Variants in GARS1 observed in about 807,000 individuals in gnomAD.
The protein encoded by GARS1 is glycine--tRNA ligase.
In GARS1, 46 loss-of-function variants were observed where a neutral mutation model predicts 86.4. That is an observed-to-expected ratio of 0.53 (90% CI 0.42 to 0.68). The LOEUF is 0.68. GARS1 is among the 30% of genes least tolerant of loss of function. The pLI, the probability that GARS1 is intolerant of heterozygous loss-of-function variation, is 0.00. For missense variants in GARS1, 797 were observed against 915.6 expected (o/e 0.87, Z 1.67); for synonymous variants, 342 against 329.8 (o/e 1.04, Z -0.40).
chr7:30,602,132 A>G (rs1791392336), intron 4 of GARS1, among the ~76,000 whole-genome samples: 1 of 151,030 alleles, frequency 6.6e-6, no homozygotes, highest in Non-Finnish European at 1.5e-5. Context: ...TCTGTCCCCC[A>G]GGCTGGAGTG....
In GARS1 at chr7:30,596,457, T is replaced by G. The variant is rs568463230; in HGVS notation, c.222+1314T>G. ...TGCCATTTTAAAAAATATCCTTCCC[T>G]TTAGAAGGAAGCATACAACTAATTT... On this transcript the variant is annotated intron_variant, in intron 1 of 16. Coordinates refer to ENST00000389266, the MANE Select transcript of GARS1 (RefSeq NM_002047.4). 2.1e-4 allele frequency among the ~76,000 whole-genome samples: 32 copies of G among 151,922 alleles called. No individual in the cohort carries two copies. The South Asian group carries it at 6.4e-3, about 31-fold the overall frequency.
chr7:30,598,377 C>CTT (rs1174085518), intron 1 of GARS1, among the ~76,000 whole-genome samples: 30 of 99,574 alleles, frequency 3.0e-4, no homozygotes, highest in African/African-American at 5.7e-4. Context: ...TTGCATCATT[C>CTT]TTTTTTTTTT....
At chr7:30,596,497 AC>A (rs1377726418) in intron 1 of GARS1, among the ~76,000 whole-genome samples, 1 of 151,460 alleles carries the variant, frequency 6.6e-6, no homozygotes, top group African/African-American at 2.4e-5. Context: ...AAAAAAAAAA[AC>A]CACCACACCC....
chr7:30,616,007 G>T lies in GARS1; in HGVS notation c.1143G>T (p.Gln381His). Residue 381 changes from glutamine (Q) to histidine (H), a missense_variant, in exon 9 of 17, where the codon CAG becomes CAT. Physicochemically the swap from Gln to His is conservative, Grantham distance 24. Transcript: ENST00000389266. Reference protein sequence around the residue: ...LHLYLYSAKAQVSGQSARKMR... With the variant: ...LHLYLYSAKAHVSGQSARKMR... ...TTTATTTGTATTCAGCAAAAGCCCA[G>T]GTCAGCGGACAGTCCGCTCGGAAAA... is the stretch of plus-strand genomic sequence containing the variant. The T allele has an allele frequency of 6.2e-7, 1 of 1,614,188 alleles. No individual in the cohort carries two copies. Among genetic ancestry groups the T allele is most frequent in the Non-Finnish European group, 8.5e-7 (1 of 1,180,032 alleles).
Position 30,616,036 on chromosome 7 carries a change from G to A in GARS1, c.1172G>A (p.Arg391His), listed in dbSNP as rs199832199. 60 of 1,614,024 alleles carry A rather than the reference G, an allele frequency of 3.7e-5. No homozygotes were observed. Among genetic ancestry groups the A allele is most frequent in the African/African-American group, 2.5e-4 (19 of 74,918 alleles). The change falls in exon 9 of 17, where the codon CGC (arginine) becomes CAC (histidine). Residue 391 changes from arginine to histidine, a missense_variant. By Grantham distance (29) the Arg-to-His change is conservative. This residue lies in a region of GARS1 where 598 missense variants were observed against 738.7 expected (regional missense o/e 0.81). Transcript: ENST00000389266. The part of the protein sequence containing the change: ...QVSGQSARKM[R>H]LGDAVEQGVI... ...AGCGGACAGTCCGCTCGGAAAATGCGCCTGGGAGATGCTGTTGAACAGGTA... is the reference window on the plus strand; with the variant it reads ...AGCGGACAGTCCGCTCGGAAAATGCACCTGGGAGATGCTGTTGAACAGGTA...
At chr7:30,617,537 A>C (rs1252119538) in intron 10 of GARS1, among the ~76,000 whole-genome samples, 1 of 152,196 alleles carries the variant, frequency 6.6e-6, no homozygotes, top group Non-Finnish European at 1.5e-5. Context: ...TGTACAGTGT[A>C]TTGGCAGCAT....
intron 12 of GARS1, 77 bp from the exon 13 acceptor site, chr7:30,626,157 A>G: frequency 1.2e-6 from 1 of 804,424 alleles, no homozygotes; most frequent in South Asian, 1.5e-5. Flanking sequence ...ACAACTTAGC[A>G]ATCTACAAAA....
intron 11 of GARS1, 114 bp from the exon 12 acceptor site, chr7:30,622,203 G>T: frequency 8.2e-7 from 1 of 1,226,072 alleles, no homozygotes; most frequent in Non-Finnish European, 1.2e-6. Context: ...AACAGGATCT[G>T]GAGTACTGAT....
chr7:30,612,147 T>C lies in GARS1; in HGVS notation c.933T>C (p.Leu311=). 6.2e-7 allele frequency: 1 copy of C among 1,614,086 alleles called. No individual in the cohort carries two copies. Among genetic ancestry groups the C allele is most frequent in the Middle Eastern group, 1.6e-4 (1 of 6,062 alleles). The stretch of plus-strand genomic sequence containing the variant: ...GGATTTTCTTGAATTTCAAACGACT[T>C]TTGGAGTTCAACCAAGGAAAGTTGC... ...AQGIFLNFKR[L]LEFNQGKLPF... is the part of the protein sequence containing the mutation. Residue 311 remains leucine (L), a synonymous_variant, in exon 8 of 17, where the codon CTT becomes CTC. Transcript: ENST00000389266.
intron 2 of GARS1, 21 bp downstream of exon 2, chr7:30,598,918 A>G (rs771656019): frequency 3.2e-6 from 5 of 1,566,248 alleles, no homozygotes; most frequent in Non-Finnish European, 4.4e-6. Flanking sequence ...GGATGCTAAA[A>G]TAGGAACATA....
In GARS1 at chr7:30,631,541, T is replaced by C; in HGVS notation, c.1903T>C (p.Ser635Pro). Residue 635 changes from serine (S) to proline (P), a missense_variant and splice_region_variant, in exon 15 of 17, where the codon TCG becomes CCG. By Grantham distance (74) the Ser-to-Pro change is moderately conservative. Transcript: ENST00000389266. ...QEFMPFVKEL[S>P]EALTRHGVSH... Reference sequence around the variant, plus strand: ...GTTCATGCCATTTGTCAAGGAATTATGTAAGCAAATTCAATTGGGTAAACT... The same window carrying C: ...GTTCATGCCATTTGTCAAGGAATTACGTAAGCAAATTCAATTGGGTAAACT... The C allele has an allele frequency of 6.2e-7, 1 of 1,604,992 alleles. No homozygotes were observed. Among genetic ancestry groups the C allele is most frequent in the East Asian group, 2.2e-5 (1 of 44,784 alleles).
In GARS1 at chr7:30,612,083, C is replaced by T. The variant is rs1345378436; in HGVS notation, c.882-13C>T. On this transcript the variant is annotated splice_polypyrimidine_tract_variant and intron_variant, in intron 7 of 16. Transcript: ENST00000389266. ...TCTTTCTTTGTAACAGACTGACTTA[C>T]TTAAATTTATAGGTACTTGAGACCA... is the stretch of plus-strand genomic sequence containing the variant. The T allele has an allele frequency of 6.2e-7, 1 of 1,610,474 alleles. No individual in the cohort carries two copies. Among genetic ancestry groups the T allele is most frequent in the Non-Finnish European group, 8.5e-7 (1 of 1,176,700 alleles).
At chr7:30,602,810 T>A (rs576137433) in intron 4 of GARS1, among the ~76,000 whole-genome samples, 2 of 152,350 alleles carry the variant, frequency 1.3e-5, no homozygotes, top group South Asian at 4.1e-4. Context: ...CTAGTTAATG[T>A]CTTCTTTCTT....
chr7:30,605,401 A>G (rs574162710), intron 6 of GARS1, among the ~76,000 whole-genome samples: 2 of 152,342 alleles, frequency 1.3e-5, no homozygotes, highest in Non-Finnish European at 2.9e-5. Context: ...AAACATACAA[A>G]ATTTTATATG....
At chr7:30,624,486 G>A (rs1029605241) in intron 12 of GARS1, among the ~76,000 whole-genome samples, 2 of 152,082 alleles carry the variant, frequency 1.3e-5, no homozygotes, top group African/African-American at 4.8e-5. Context: ...ACAAAGGGTG[G>A]GAGCAAAGAA....
chr7:30,633,717 C>G lies in GARS1; in HGVS notation c.2095-18C>G. The G allele has an allele frequency of 6.2e-7, 1 of 1,613,566 alleles. No individual in the cohort carries two copies. Among genetic ancestry groups the G allele is most frequent in the Non-Finnish European group, 8.5e-7 (1 of 1,179,824 alleles). On this transcript the variant is annotated intron_variant, in intron 16 of 16. Coordinates refer to ENST00000389266, the MANE Select transcript of GARS1 (RefSeq NM_002047.4). ...GAACAAGTTGGTTGATACTTGGCTT[C>G]TCTTTCCTTGTCTCTAGATCTCTGA...
At chr7:30,614,474 C>G (rs1782844970) in intron 8 of GARS1, among the ~76,000 whole-genome samples, 1 of 152,160 alleles carries the variant, frequency 6.6e-6, no homozygotes, top group South Asian at 2.1e-4. Context: ...GTTTGTTTCT[C>G]TCACATTTAT....
At chr7:30,621,362 A>G in intron 10 of GARS1, 31 bp from the exon 11 acceptor site, 2 of 1,551,860 alleles carry the variant, frequency 1.3e-6, no homozygotes, top group Middle Eastern at 3.4e-4. Flanking sequence ...ATAATAAGTA[A>G]GTAATGTTTT....
At chr7:30,613,100 TAGC>T (rs1375612597) in intron 8 of GARS1, among the ~76,000 whole-genome samples, 1 of 152,150 alleles carries the variant, frequency 6.6e-6, no homozygotes, top group Non-Finnish European at 1.5e-5. Flanking sequence ...GGTCATAACA[TAGC>T]CCAGTCACTG....
Sources: gnomAD v4.1 joint callset for allele counts (sites outside exome capture counted in the v4.1 genomes callset) on GRCh38, gnomAD v4.1.1 for gene constraint, gnomAD v4.1.1 regional missense constraint, MANE v1.5 for transcripts, NCBI Gene and HGNC (gene_info 2026-07-23, HGNC 2026-07-21) for gene names.